The following NIBAN3 variants were observed in gnomAD, a reference collection of about 807,000 sequenced individuals.
NIBAN3 encodes niban apoptosis regulator 3, also known as protein Niban 3.
NIBAN3 carries 66 observed loss-of-function variants against 76.4 expected under a neutral mutation model. The observed-to-expected ratio is 0.86, with a 90% confidence interval of 0.71 to 1.06. NIBAN3 has a LOEUF of 1.06. Among genes scored for constraint, NIBAN3 ranks in the 50% least tolerant of loss-of-function variants. NIBAN3 has a pLI of 0.00. For missense variants in NIBAN3, 808 were observed against 810.7 expected (o/e 1.00, Z 0.04); for synonymous variants, 360 against 355.2 (o/e 1.01, Z -0.15).
chr19:17,524,897 A>G (rs1043868215), upstream of NIBAN3, among the ~76,000 whole-genome samples: 18 of 152,074 alleles, frequency 1.2e-4, no homozygotes, highest in African/African-American at 3.9e-4. Context: ...ACTTCTGCTC[A>G]CTCCTTTATG....
At chr19:17,526,954 TG>T (rs1439820001), upstream of NIBAN3, among the ~76,000 whole-genome samples, 6 of 152,104 alleles carry the variant, frequency 3.9e-5, no homozygotes, top group Admixed American at 3.9e-4. Flanking sequence ...GGCACAGTGC[TG>T]GTGGGGGGGT....
chr19:17,537,417 C>A lies in NIBAN3; in HGVS notation c.469C>A (p.Pro157Thr). ...QEEPDSLLEVPVSFPLFLQHP... is the reference protein window; with the variant it reads ...QEEPDSLLEVTVSFPLFLQHP... ...AGAGCCTGACTCCCTCTTGGAAGTG[C>A]CTGTGAGCTTCCCGCTGTTCCTGCA... Residue 157 changes from proline (P) to threonine (T), a missense_variant, in exon 5 of 15, where the codon CCT becomes ACT. Coordinates refer to ENST00000599164, the MANE Select transcript of NIBAN3 (RefSeq NM_001321827.2). 1 of 1,614,134 alleles carries A rather than the reference C, an allele frequency of 6.2e-7. No homozygotes were observed. The highest frequency in any genetic ancestry group is 8.5e-7 in the Non-Finnish European group (1 of 1,180,022).
chr19:17,544,637 G>A (rs982004506), intron 12 of NIBAN3, among the ~76,000 whole-genome samples: 14 of 152,222 alleles, frequency 9.2e-5, no homozygotes, highest in East Asian at 3.8e-4. Flanking sequence ...CTGGTGTGTT[G>A]GAGGAACAGT....
chr19:17,543,487 G>C (rs752145381), intron 11 of NIBAN3, 37 bp from the exon 12 acceptor site: 1 of 1,612,586 alleles, frequency 6.2e-7, no homozygotes, highest in South Asian at 1.1e-5. Context: ...TGGGTGCTCA[G>C]ATGGTTGCTG....
At chr19:17,555,106 A>AT (rs2076201572), downstream of NIBAN3, among the ~76,000 whole-genome samples, 1 of 152,022 alleles carries the variant, frequency 6.6e-6, no homozygotes, top group Non-Finnish European at 1.5e-5. Context: ...CGCCAACCCT[A>AT]TAGGGTCTCT....
chr19:17,536,433 C>G (rs1178465110), intron 4 of NIBAN3, among the ~76,000 whole-genome samples: 2 of 152,152 alleles, frequency 1.3e-5, no homozygotes, highest in African/African-American at 4.8e-5. Context: ...ACGTGATCCG[C>G]CTGCCTCAGG....
In NIBAN3 at chr19:17,537,460, AC is replaced by A. The variant is rs2075846143; in HGVS notation, c.514del (p.Leu172SerfsTer27). 6.2e-7 allele frequency: 1 copy of A among 1,613,544 alleles called. No individual in the cohort carries two copies. The highest frequency in any genetic ancestry group is 1.7e-5 in the Admixed American group (1 of 59,996). On this transcript the variant is annotated frameshift_variant, in exon 5 of 15. Transcript: ENST00000599164. LOFTEE classifies it high-confidence loss of function. ...TTCCTGCAGCACCCCTTCCGCCGGC[AC>A]CTCTGCTTCTCTGCAGCCACCAGGG... Reference protein sequence around the residue: ...PLFLQHPFRRHLCFSAATREA... With the variant: ...PLFLQHPFRRXLCFSAATREA...
In NIBAN3 at chr19:17,527,291, A is replaced by G. The variant is rs758852515; in HGVS notation, c.-50A>G. The G allele has an allele frequency of 1.9e-6, 3 of 1,550,680 alleles. No homozygotes were observed. The South Asian group carries it at 3.6e-5, about 18-fold the overall frequency. ...CAGGTGCCCCTGAGCCGAGGAACGC[A>G]GGCGGTGGTCGTGGGGAAGGGAAGA... is the stretch of plus-strand genomic sequence containing the variant. On this transcript the variant is annotated 5_prime_UTR_variant, in exon 1 of 15. Transcript: ENST00000599164.
intron 13 of NIBAN3, among the ~76,000 whole-genome samples, chr19:17,547,589 G>A (rs1363723524): frequency 1.3e-5 from 2 of 151,324 alleles, no homozygotes; most frequent in African/African-American, 2.4e-5. Flanking sequence ...TCCTGACATC[G>A]TGATCCTCCC....
intron 1 of NIBAN3, among the ~76,000 whole-genome samples, chr19:17,530,060 A>G (rs528828256): frequency 6.6e-6 from 1 of 151,546 alleles, no homozygotes; most frequent in East Asian, 2.0e-4. Flanking sequence ...CTGTCTCAAA[A>G]AAAAGAAAAA....
Position 17,543,421 on chromosome 19 carries a change from G to A in NIBAN3, c.1434G>A (p.Gly478=). The change falls in exon 11 of 15, where the codon GGG becomes GGA. Residue 478 remains glycine (G), a synonymous_variant. Coordinates refer to ENST00000599164, the MANE Select transcript of NIBAN3 (RefSeq NM_001321827.2). ...QAAQRLERVR[G]RVLKKFKSDS... is the part of the protein sequence containing the mutation. ...CCCAGAGGCTGGAGAGAGTCAGGGGGCGCGTGCTGAAGGTGTGTTCTGTGG... is the reference window on the plus strand; with the variant it reads ...CCCAGAGGCTGGAGAGAGTCAGGGGACGCGTGCTGAAGGTGTGTTCTGTGG... The A allele has an allele frequency of 6.2e-7, 1 of 1,613,628 alleles. No individual in the cohort carries two copies. Among genetic ancestry groups the A allele is most frequent in the South Asian group, 1.1e-5 (1 of 91,052 alleles).
chr19:17,538,134 C>A (rs1392342077), intron 5 of NIBAN3, among the ~76,000 whole-genome samples: 2 of 151,238 alleles, frequency 1.3e-5, no homozygotes, highest in Non-Finnish European at 3.0e-5. Flanking sequence ...GAAGGACTAG[C>A]CGCTGGGCGC....
At chr19:17,530,681 C>A in intron 1 of NIBAN3, 74 bp from the exon 2 acceptor site, 2 of 1,460,052 alleles carry the variant, frequency 1.4e-6, no homozygotes, top group Non-Finnish European at 1.8e-6. Context: ...GCTTCCCTGT[C>A]TGTTTTGCCC....
chr19:17,535,177 G>T (rs1402320156), intron 4 of NIBAN3, among the ~76,000 whole-genome samples: 1 of 152,202 alleles, frequency 6.6e-6, no homozygotes, highest in Non-Finnish European at 1.5e-5. Flanking sequence ...GGCGGCATAT[G>T]CCTGTAGTCC....
At chr19:17,555,290 ACTGAGG>A (rs1464528490), downstream of NIBAN3, among the ~76,000 whole-genome samples, 1 of 152,128 alleles carries the variant, frequency 6.6e-6, no homozygotes, top group Non-Finnish European at 1.5e-5. Flanking sequence ...AGCAGAGGAA[ACTGAGG>A]CTAAGGTCTC....
upstream of NIBAN3, among the ~76,000 whole-genome samples, chr19:17,526,315 A>T (rs145259571): frequency 1.1e-3 from 169 of 151,942 alleles, 1 homozygote; most frequent in African/African-American, 3.9e-3. Context: ...TCTGTCCCAA[A>T]GAAAAAAAAA....
intron 12 of NIBAN3, among the ~76,000 whole-genome samples, chr19:17,544,844 G>A (rs1286802274): frequency 3.6e-4 from 55 of 152,332 alleles, no homozygotes; most frequent in Admixed American, 3.5e-3. Context: ...CCTGTGAGGT[G>A]TGATTTGCTG....
chr19:17,526,222 A>T (rs1486271828), upstream of NIBAN3, among the ~76,000 whole-genome samples: 1 of 151,416 alleles, frequency 6.6e-6, no homozygotes, highest in East Asian at 1.9e-4. Context: ...CTGAGGCTGG[A>T]GAATCACTTG....
intron 9 of NIBAN3, among the ~76,000 whole-genome samples, chr19:17,541,287 T>G (rs1474306767): frequency 6.6e-6 from 1 of 152,004 alleles, no homozygotes; most frequent in Non-Finnish European, 1.5e-5. Context: ...TAGCACCTAC[T>G]ATGTACCAGG....
Sources: gnomAD v4.1 joint callset for allele counts (sites outside exome capture counted in the v4.1 genomes callset) on GRCh38, gnomAD v4.1.1 for gene constraint, MANE v1.5 for transcripts, NCBI Gene and HGNC (gene_info 2026-07-23, HGNC 2026-07-21) for gene names.